COL4A1: variants seen among roughly 807,000 people sequenced by gnomAD.
COL4A1 encodes collagen alpha-1(IV) chain.
A neutral mutation model predicts 216.6 loss-of-function variants in COL4A1; 40 were observed. That is an observed-to-expected ratio of 0.18 (90% confidence interval 0.14 to 0.24). The LOEUF (loss-of-function observed/expected upper bound fraction) is 0.24, where lower values mean the gene tolerates loss of function less well. COL4A1 is among the 10% of genes least tolerant of loss of function. The pLI is 1.00. For synonymous variants in COL4A1, 839 were observed against 810.7 expected, an observed-to-expected ratio of 1.03 and a Z score of -0.59; for missense variants, 1,628 against 2,196.8, an observed-to-expected ratio of 0.74 and a Z score of 5.18.
chr13:110,201,671 G>GAAGGGGATAAGCCTCT (rs769491408), intron 18 of COL4A1, 149 bp from the exon 19 acceptor site: 6 of 815,600 alleles, frequency 7.4e-6, no homozygotes, highest in Non-Finnish European at 8.6e-6. Flanking sequence ...GGACAAGGAG[G>GAAGGGGATAAGCCTCT]AAGGGGATAA....
chr13:110,204,504 C>T (rs1375650494), intron 17 of COL4A1, among the ~76,000 whole-genome samples: 1 of 152,146 alleles, frequency 6.6e-6, no homozygotes, highest in Admixed American at 6.5e-5. Context: ...CCGCAGCTTT[C>T]CATTCGCCTT....
At chr13:110,276,508 AG>A (rs1883437620) in intron 1 of COL4A1, among the ~76,000 whole-genome samples, 1 of 152,170 alleles carries the variant, frequency 6.6e-6, no homozygotes, top group African/African-American at 2.4e-5. Context: ...GTTTTTATAC[AG>A]GTTGCATGGG....
intron 1 of COL4A1, among the ~76,000 whole-genome samples, chr13:110,263,153 C>G (rs151122936): frequency 6.6e-6 from 1 of 152,304 alleles, no homozygotes; most frequent in Non-Finnish European, 1.5e-5. Flanking sequence ...TGTATCCTCT[C>G]CAGTCCAAGC....
At chr13:110,182,505 T>C (rs1216390534) in intron 28 of COL4A1, among the ~76,000 whole-genome samples, 1 of 152,150 alleles carries the variant, frequency 6.6e-6, no homozygotes, top group Non-Finnish European at 1.5e-5. Context: ...ACCTAAGAAA[T>C]GTGAAAAGCA....
intron 41 of COL4A1, 35 bp downstream of exon 41, chr13:110,172,685 G>T: frequency 1.2e-6 from 2 of 1,601,864 alleles, no homozygotes; most frequent in Non-Finnish European, 1.7e-6. Context: ...AGCAGCGGTT[G>T]GTTGAAAAGG....
intron 1 of COL4A1, among the ~76,000 whole-genome samples, chr13:110,302,014 G>C (rs2139324573): frequency 6.6e-6 from 1 of 152,300 alleles, no homozygotes; most frequent in South Asian, 2.1e-4. Flanking sequence ...CACGAGAGCT[G>C]GGAGGAGGGG....
chr13:110,217,132 C>T (rs796550898), intron 2 of COL4A1, among the ~76,000 whole-genome samples: 7 of 152,296 alleles, frequency 4.6e-5, no homozygotes, highest in African/African-American at 1.7e-4. Context: ...ACTCTGTACC[C>T]TGTCCAAGGT....
intron 1 of COL4A1, among the ~76,000 whole-genome samples, chr13:110,267,311 T>G (rs1883080458): frequency 2.0e-5 from 3 of 152,148 alleles, no homozygotes; most frequent in African/African-American, 7.2e-5. Context: ...TTTCAGCACC[T>G]CCAAGAAGGA....
intron 19 of COL4A1, 60 bp downstream of exon 19, chr13:110,201,354 GGAGGAAGAGGACGAGGAGGAGGAA>G (rs756437245): frequency 1.2e-5 from 11 of 919,464 alleles, no homozygotes; most frequent in Admixed American, 8.5e-5. Flanking sequence ...AGGAGGAGGA[GGAGGAAGAGGACGAGGAGGAGGAA>G]GAGGAGGAGG....
rs115834242 is a variant in COL4A1 at position 110,150,432 on chromosome 13, C to T, written c.4941G>A (p.Pro1647=). 632 of 1,613,986 alleles carry T rather than the reference C, an allele frequency of 3.9e-4. 2 individuals carry two copies. In the African/African-American group the frequency reaches 7.4e-3, roughly 19 times the overall value. ...GCAGCTCCCCTGCCTTCAAGGTGGA[C>T]GGCGTAGGCTTCCTAAAACACGACA... ...ERSEMFKKPT[P]STLKAGELRT... Residue 1647 remains proline, a synonymous_variant, in exon 52 of 52, where the codon CCG becomes CCA. Transcript: ENST00000375820.
At chr13:110,198,401 C>T (rs1879005143) in intron 21 of COL4A1, 66 bp downstream of exon 21, 1 of 1,595,660 alleles carries the variant, frequency 6.3e-7, no homozygotes, top group East Asian at 2.2e-5. Flanking sequence ...AGCCCCCAAC[C>T]TGGGTCTGCC....
chr13:110,225,130 G>A (rs1165467360), intron 2 of COL4A1, among the ~76,000 whole-genome samples: 2 of 152,142 alleles, frequency 1.3e-5, no homozygotes, highest in Non-Finnish European at 2.9e-5. Flanking sequence ...TCCTCTGAGT[G>A]GTTCCGTAGT....
At chr13:110,250,786 G>C (rs1045385954) in intron 1 of COL4A1, among the ~76,000 whole-genome samples, 2 of 152,184 alleles carry the variant, frequency 1.3e-5, no homozygotes, top group African/African-American at 2.4e-5. Flanking sequence ...CTGGCCTGAC[G>C]CACTAGCACA....
rs780067663 is a variant in COL4A1, at chr13:110,150,436, G to A, written c.4937C>T (p.Thr1646Met). The change falls in exon 52 of 52, where the codon ACG becomes ATG. Residue 1646 changes from threonine to methionine, a missense_variant. Around this residue, in one of 8 missense-constraint regions of COL4A1, gnomAD observed 254 missense variants for 300.1 expected, o/e 0.85. Coordinates refer to ENST00000375820, the MANE Select transcript of COL4A1 (RefSeq NM_001845.6). ...CTCCCCTGCCTTCAAGGTGGACGGC[G>A]TAGGCTTCCTAAAACACGACACAGA... The part of the protein sequence containing the change: ...IERSEMFKKP[T>M]PSTLKAGELR... 5 of 1,613,954 alleles carry A rather than the reference G, an allele frequency of 3.1e-6. No individual in the cohort carries two copies. The highest frequency in any genetic ancestry group is 1.7e-5 in the Admixed American group (1 of 60,022).
chr13:110,241,757 A>C (rs1881578645), intron 2 of COL4A1, among the ~76,000 whole-genome samples: 1 of 152,182 alleles, frequency 6.6e-6, no homozygotes, highest in South Asian at 2.1e-4. Context: ...AAACCACAGA[A>C]TTTTCTGTAA....
chr13:110,161,855 C>T (rs1877100226), intron 48 of COL4A1: 1 of 341,850 alleles, frequency 2.9e-6, no homozygotes, highest in Non-Finnish European at 5.5e-6. Flanking sequence ...GACAGGATAA[C>T]ATGGACCTTT....
At chr13:110,182,650 C>T (rs1241442622) in intron 28 of COL4A1, among the ~76,000 whole-genome samples, 1 of 152,216 alleles carries the variant, frequency 6.6e-6, no homozygotes, top group African/African-American at 2.4e-5. Context: ...GGGCGCTCCC[C>T]CAACTCCCAA....
At chr13:110,277,660 C>A (rs929817598) in intron 1 of COL4A1, among the ~76,000 whole-genome samples, 1 of 152,180 alleles carries the variant, frequency 6.6e-6, no homozygotes, top group African/African-American at 2.4e-5. Context: ...CTCATAACCC[C>A]TAAATCTGTA....
chr13:110,181,359 G>A lies in COL4A1; in HGVS notation c.2126C>T (p.Pro709Leu), dbSNP rs150129180. The A allele has an allele frequency of 2.2e-4, 355 of 1,613,766 alleles. No homozygotes were observed. Among genetic ancestry groups the A allele is most frequent in the Middle Eastern group, 1.5e-3 (9 of 6,054 alleles). Residue 709 changes from proline (P) to leucine (L), a missense_variant, in exon 29 of 52, where the codon CCA becomes CTA. Pro to Leu is a moderately conservative substitution (Grantham distance 98). This residue lies in a region of COL4A1 where 701 missense variants were observed against 892.5 expected (regional missense o/e 0.79). Coordinates refer to ENST00000375820, the MANE Select transcript of COL4A1 (RefSeq NM_001845.6). ...TCCCGGGCGACCTGGAGTCCCCGGTGGCCCCATGTCTCCAGGTAAGCCGTC... is the reference window on the plus strand; with the variant it reads ...TCCCGGGCGACCTGGAGTCCCCGGTAGCCCCATGTCTCCAGGTAAGCCGTC... ...GVDGLPGDMG[P>L]PGTPGRPGFN... is the part of the protein sequence containing the mutation.
Sources: allele counts gnomAD v4.1 joint callset (sites outside exome capture counted in the v4.1 genomes callset), GRCh38; gene constraint gnomAD v4.1.1; regional missense constraint gnomAD v4.1.1; transcripts MANE v1.5; gene names NCBI Gene and HGNC (gene_info 2026-07-23, HGNC 2026-07-21).